Variants in AKAP9 observed in about 807,000 individuals in gnomAD.
AKAP9 encodes A-kinase anchoring protein 9, also known as A-kinase anchor protein 9.
Under a neutral mutation model 488.5 loss-of-function variants are expected in AKAP9, and 311 were observed. That is an observed-to-expected ratio of 0.64 (90% CI 0.58 to 0.70). AKAP9 has a LOEUF of 0.70. Ranked by LOEUF, AKAP9 falls within the 30% of genes least tolerant of loss-of-function variation. The pLI, the probability that AKAP9 is intolerant of heterozygous loss-of-function variation, is 0.00. For missense variants in AKAP9, 4,215 were observed against 4,374.5 expected (o/e 0.96, Z 1.03); for synonymous variants, 1,462 against 1,483.5 (o/e 0.99, Z 0.33).
chr7:91,963,517 C>CAG (rs1348607783), intron 1 of AKAP9, among the ~76,000 whole-genome samples: 8 of 149,506 alleles, frequency 5.4e-5, no homozygotes, highest in Admixed American at 1.3e-4. Context: ...CACACACACA[C>CAG]ACACACACAC....
chr7:91,970,830 C>CT, intron 1 of AKAP9, among the ~76,000 whole-genome samples: 1 of 152,236 alleles, frequency 6.6e-6, no homozygotes, highest in Admixed American at 6.5e-5. Context: ...TTGGAGTAAT[C>CT]TTTTTTGGGT....
At chr7:92,060,175 TTAGTATTATCATGATTTTG>T (rs1469228299) in intron 22 of AKAP9, among the ~76,000 whole-genome samples, 1 of 152,072 alleles carries the variant, frequency 6.6e-6, no homozygotes, top group East Asian at 1.9e-4. Flanking sequence ...AAAGTATCCT[TTAGTATTATCATGATTTTG>T]TAATACATTT....
chr7:91,994,610 T>C lies in AKAP9; in HGVS notation c.577-11T>C. On this transcript the variant is annotated splice_polypyrimidine_tract_variant and intron_variant, in intron 5 of 49. Coordinates refer to ENST00000356239, the MANE Select transcript of AKAP9 (RefSeq NM_005751.5). ...AAAAAAATAAATCTAGCACTTACTATTTTCTTTCAGTTACAAGAATTTGAA... is the reference window on the plus strand; with the variant it reads ...AAAAAAATAAATCTAGCACTTACTACTTTCTTTCAGTTACAAGAATTTGAA... 1 of 1,608,276 alleles carries C rather than the reference T, an allele frequency of 6.2e-7. No homozygotes were observed.
intron 3 of AKAP9, among the ~76,000 whole-genome samples, chr7:91,982,540 C>T (rs575239185): frequency 2.7e-4 from 41 of 152,262 alleles, no homozygotes; most frequent in African/African-American, 9.1e-4. Context: ...TTTATGGCTG[C>T]ATAGTATTCC....
At chr7:92,035,205 C>T (rs1804991919) in intron 16 of AKAP9, among the ~76,000 whole-genome samples, 2 of 152,240 alleles carry the variant, frequency 1.3e-5, no homozygotes. Context: ...CCCGTGACTT[C>T]CTCTTTGATT....
intron 27 of AKAP9, 65 bp from the exon 28 acceptor site, chr7:92,070,839 CA>C (rs1244119019): frequency 2.3e-4 from 133 of 583,406 alleles, no homozygotes; most frequent in South Asian, 4.8e-4. Context: ...GACCAAAAAA[CA>C]AAAAAAAACT....
chr7:92,103,850 A>G lies in AKAP9; in HGVS notation c.11330+1024A>G, dbSNP rs1584583548. ...CTAAGATAACCCACTTTTGGTGCCC[A>G]GTTATGGAAGGTCCTTTCCTAACTG... is the stretch of plus-strand genomic sequence containing the variant. On this transcript the variant is annotated intron_variant, in intron 46 of 49. Coordinates refer to ENST00000356239, the MANE Select transcript of AKAP9 (RefSeq NM_005751.5). 2.0e-5 allele frequency among the ~76,000 whole-genome samples: 3 copies of G among 152,220 alleles called. No homozygotes were observed. The East Asian group carries it at 5.8e-4, about 29-fold the overall frequency.
At chr7:92,067,422 C>G (rs1024149785) in intron 26 of AKAP9, among the ~76,000 whole-genome samples, 1 of 150,980 alleles carries the variant, frequency 6.6e-6, no homozygotes, top group African/African-American at 2.5e-5. Context: ...CTAACCTGCC[C>G]CATTGCTGAG....
chr7:92,000,799 G>T, intron 7 of AKAP9, 49 bp from the exon 8 acceptor site: 1 of 974,172 alleles, frequency 1.0e-6, no homozygotes, highest in Non-Finnish European at 1.5e-6. Flanking sequence ...AGTATAATTT[G>T]CCAGAAGCTA....
rs768340278 is a variant in AKAP9, at chr7:92,084,946, A to C, written c.8832+6A>C. The C allele has an allele frequency of 1.2e-6, 2 of 1,612,350 alleles. No individual in the cohort carries two copies. The highest frequency in any genetic ancestry group is 1.7e-6 in the Non-Finnish European group (2 of 1,179,032). On this transcript the variant is annotated splice_donor_region_variant and intron_variant, in intron 35 of 49. Coordinates refer to ENST00000356239, the MANE Select transcript of AKAP9 (RefSeq NM_005751.5). ...CCTTTCCAAAGAAAATAAAGGTACTAAAAGATAGATACCTTTTATTAACTC... is the reference window on the plus strand; with the variant it reads ...CCTTTCCAAAGAAAATAAAGGTACTCAAAGATAGATACCTTTTATTAACTC...
At chr7:91,955,106 T>TA (rs1357419053) in intron 1 of AKAP9, among the ~76,000 whole-genome samples, 1 of 152,164 alleles carries the variant, frequency 6.6e-6, no homozygotes, top group Non-Finnish European at 1.5e-5. Context: ...GACAGCTTCT[T>TA]ACCTCCTTGT....
At chr7:92,101,653 A>G (rs1459472561) in intron 45 of AKAP9, among the ~76,000 whole-genome samples, 5 of 152,076 alleles carry the variant, frequency 3.3e-5, no homozygotes, top group Admixed American at 1.3e-4. Context: ...TATCTTTTCA[A>G]CTCCTAACAA....
At position 91,994,682 on chromosome 7, in the gene AKAP9, A is replaced by T; in HGVS notation, c.638A>T (p.Asn213Ile). The T allele has an allele frequency of 6.2e-7, 1 of 1,613,422 alleles. No individual in the cohort carries two copies. Among genetic ancestry groups the T allele is most frequent in the Non-Finnish European group, 8.5e-7 (1 of 1,179,600 alleles). Reference sequence around the variant, plus strand: ...GGCATTATAACCCAGCTCACTGCTAATTTACAACAAGCAAGAAGAGAAAAG... The same window carrying T: ...GGCATTATAACCCAGCTCACTGCTATTTTACAACAAGCAAGAAGAGAAAAG... ...RDGIITQLTA[N>I]LQQARREKDE... The change falls in exon 6 of 50, where the codon AAT becomes ATT. Residue 213 changes from asparagine to isoleucine, a missense_variant. Around this residue, in one of 5 missense-constraint regions of AKAP9, gnomAD observed 2,361 missense variants for 2,430.0 expected, o/e 0.97. Transcript: ENST00000356239.
intron 2 of AKAP9, among the ~76,000 whole-genome samples, chr7:91,976,261 G>A (rs957811427): frequency 3.3e-5 from 5 of 151,684 alleles, no homozygotes; most frequent in South Asian, 2.1e-4. Flanking sequence ...TCTCACTCTC[G>A]TCCAGGATGG....
At chr7:91,948,605 CTTTTTTTTTTT>C (rs55928500) in intron 1 of AKAP9, among the ~76,000 whole-genome samples, 4 of 107,560 alleles carry the variant, frequency 3.7e-5, no homozygotes, top group Non-Finnish European at 7.3e-5. Flanking sequence ...TTGTAGATTT[CTTTTTTTTTTT>C]TTTTTTTTTT....
chr7:92,030,066 TA>T, intron 15 of AKAP9, 75 bp downstream of exon 15: 1 of 1,038,578 alleles, frequency 9.6e-7, no homozygotes, highest in South Asian at 1.4e-5. Context: ...TCTGGTTTAC[TA>T]TCTAATAAAT....
Position 92,083,282 on chromosome 7 carries a change from T to A in AKAP9, c.8273T>A (p.Val2758Glu). Residue 2758 changes from valine (V) to glutamate (E), a missense_variant, in exon 33 of 50, where the codon GTA (valine) becomes GAA (glutamate). Val to Glu is a moderately radical substitution (Grantham distance 121). This residue lies in a region of AKAP9 where 1,476 missense variants were observed against 1,477.4 expected (regional missense o/e 1.00). Transcript: ENST00000356239. ...TTAGAAAAAGAAGATGAGACTGAGG[T>A]ACAAGAAAGCAAAAAGGCCTGCATG... ...SILEKEDETE[V>E]QESKKACMFE... 6.2e-7 allele frequency: 1 copy of A among 1,613,980 alleles called. No individual in the cohort carries two copies. Among genetic ancestry groups the A allele is most frequent in the South Asian group, 1.1e-5 (1 of 91,074 alleles).
chr7:91,969,283 G>A (rs1488851491), intron 1 of AKAP9, among the ~76,000 whole-genome samples: 1 of 152,086 alleles, frequency 6.6e-6, no homozygotes, highest in Non-Finnish European at 1.5e-5. Flanking sequence ...AACGATACTT[G>A]ATATGATTTC....
intron 16 of AKAP9, among the ~76,000 whole-genome samples, chr7:92,032,641 A>G (rs1411498213): frequency 6.6e-6 from 1 of 152,234 alleles, no homozygotes; most frequent in African/African-American, 2.4e-5. Context: ...GGTAGGATAT[A>G]AAGGAAATAT....
Sources: gnomAD v4.1 joint callset for allele counts (sites outside exome capture counted in the v4.1 genomes callset) on GRCh38, gnomAD v4.1.1 for gene constraint, gnomAD v4.1.1 regional missense constraint, MANE v1.5 for transcripts, NCBI Gene and HGNC (gene_info 2026-07-23, HGNC 2026-07-21) for gene names.